The following MACF1 variants were observed in gnomAD, a reference collection of about 807,000 sequenced individuals.
MACF1 encodes the protein microtubule actin crosslinking factor 1.
Under a neutral mutation model 854.8 loss-of-function variants are expected in MACF1, and 193 were observed. The ratio of observed to expected loss-of-function variants is 0.23; its 90% CI spans 0.20 to 0.25. The LOEUF is 0.25. MACF1 is among the 10% of genes least tolerant of loss of function. The pLI is 1.00. For synonymous variants in MACF1, 3,185 were observed against 3,226.7 expected, an observed-to-expected ratio of 0.99 and a Z score of 0.44; for missense variants, 7,722 against 8,929.1, an observed-to-expected ratio of 0.86 and a Z score of 5.45.
At chr1:39,478,312 G>T (rs904674697) in intron 97 of MACF1, among the ~76,000 whole-genome samples, 2 of 152,040 alleles carry the variant, frequency 1.3e-5, no homozygotes, top group African/African-American at 2.4e-5. Context: ...CAAGGGTCAT[G>T]TATTGTTGAG....
intron 2 of MACF1, among the ~76,000 whole-genome samples, chr1:39,088,851 T>C (rs1298390063): frequency 6.6e-6 from 1 of 152,196 alleles, no homozygotes; most frequent in Non-Finnish European, 1.5e-5. Flanking sequence ...GACGTGTACA[T>C]TTATTATTAC....
intron 58 of MACF1, among the ~76,000 whole-genome samples, chr1:39,406,123 G>C (rs1642689135): frequency 6.6e-6 from 1 of 152,156 alleles, no homozygotes; most frequent in Admixed American, 6.5e-5. Context: ...TTGGCTTTGG[G>C]TTCTGGGGTT....
At chr1:39,443,883 G>A (rs72661980) in intron 79 of MACF1, among the ~76,000 whole-genome samples, 9,894 of 152,142 alleles carry the variant, frequency 0.065, 443 homozygotes, top group Non-Finnish European at 0.099. Flanking sequence ...CACTTAAGAA[G>A]GAAACTACTT....
At chr1:39,481,603 C>T (rs777287781) in intron 99 of MACF1, among the ~76,000 whole-genome samples, 1 of 152,230 alleles carries the variant, frequency 6.6e-6, no homozygotes, top group Non-Finnish European at 1.5e-5. Flanking sequence ...TTGGCCTAGG[C>T]ACTTGAGTTT....
chr1:39,319,871 C>T, intron 31 of MACF1, 124 bp downstream of exon 31: 1 of 650,588 alleles, frequency 1.5e-6, no homozygotes, highest in South Asian at 2.1e-5. Context: ...CTGGCCTGAT[C>T]CTTCAGTTAA....
Position 39,442,141 on chromosome 1 carries a change from T to C in MACF1, c.18775-6T>C. ...TTGATGTTAACATTGAGTGTGTCTT[T>C]GACAGGAGTTCAAAGTAGAAGTTTA... On this transcript the variant is annotated splice_region_variant and splice_polypyrimidine_tract_variant and intron_variant, in intron 75 of 100. Transcript: ENST00000564288. 6 of 1,590,044 alleles carry C rather than the reference T, an allele frequency of 3.8e-6. No homozygotes were observed. The highest frequency in any genetic ancestry group is 5.1e-6 in the Non-Finnish European group (6 of 1,170,518).
chr1:39,149,701 A>G (rs1643535664), intron 2 of MACF1, among the ~76,000 whole-genome samples: 1 of 149,700 alleles, frequency 6.7e-6, no homozygotes, highest in South Asian at 2.2e-4. Flanking sequence ...CAGAGCTGCA[A>G]TAAGAAGAGA....
chr1:39,283,114 G>A lies in MACF1; in HGVS notation c.696-75G>A. The A allele has an allele frequency of 3.3e-6, 3 of 904,402 alleles. No homozygotes were observed. The South Asian group carries it at 4.4e-5, about 13-fold the overall frequency. The allele number at this position is 904,402 out of a possible 1,614,324, so 56.0% of individuals were successfully genotyped here. On this transcript the variant is annotated intron_variant, in intron 7 of 100. Transcript: ENST00000564288. This position sits in a 1 kb window ranked among gnomAD's most constrained non-coding sequence, Gnocchi z 4.5. ...TGTTTTTCAGCTCTGGGAACTTTCA[G>A]GAGGTTTTCTTTGTGTAAACTCATG... is the stretch of plus-strand genomic sequence containing the variant.
rs189458156 is a variant in MACF1, at chr1:39,351,095, G to A, written c.11199+77G>A. On this transcript the variant is annotated intron_variant, in intron 43 of 100. Coordinates refer to ENST00000564288, the MANE Select transcript of MACF1 (RefSeq NM_001394062.1). ...CCAACACAAATAAAAGACAGTGAGG[G>A]GAAAACAGGCTTATAGCATGCACAG... 1.7e-5 allele frequency: 17 copies of A among 1,013,490 alleles called. No homozygotes were observed. In the African/African-American group the frequency reaches 1.9e-4, roughly 12 times the overall value. The allele number at this position is 1,013,490 out of a possible 1,614,324, so 62.8% of individuals were successfully genotyped here. A position where few individuals can be genotyped will look rare whatever the true frequency, so the allele number is the denominator to read the frequency against.
At chr1:39,245,249 A>C (rs1448119924) in intron 2 of MACF1, among the ~76,000 whole-genome samples, 4 of 152,178 alleles carry the variant, frequency 2.6e-5, no homozygotes, top group African/African-American at 9.7e-5. Flanking sequence ...TCTGTTGATA[A>C]GATGACCTCA....
rs546125474 is a variant in MACF1 at position 39,429,761 on chromosome 1, A to G, written c.16889-66A>G. 2.3e-5 allele frequency: 33 copies of G among 1,463,146 alleles called. No individual in the cohort carries two copies. The African/African-American group carries it at 3.8e-4, about 17-fold the overall frequency. The allele number at this position is 1,463,146 out of a possible 1,614,324, so 90.6% of individuals were successfully genotyped here. A position where few individuals can be genotyped will look rare whatever the true frequency, so the allele number is the denominator to read the frequency against. On this transcript the variant is annotated intron_variant, in intron 64 of 100. Coordinates refer to ENST00000564288, the MANE Select transcript of MACF1 (RefSeq NM_001394062.1). ...GAAATTAAAGCTCTGATTTGAAGAA[A>G]GGGGATCAGAGACTCCTCATTCCTA...
At chr1:39,441,870 T>G in intron 74 of MACF1, 82 bp from the exon 75 acceptor site, 1 of 1,022,072 alleles carries the variant, frequency 9.8e-7, no homozygotes, top group Non-Finnish European at 1.5e-6. Flanking sequence ...GATTTATGTC[T>G]TCTTATGTTA....
At chr1:39,298,483 A>G (rs546491324) in intron 21 of MACF1, among the ~76,000 whole-genome samples, 3 of 152,334 alleles carry the variant, frequency 2.0e-5, no homozygotes, top group East Asian at 3.9e-4. Context: ...TTAAAATAGA[A>G]ATGTATATGC....
intron 2 of MACF1, among the ~76,000 whole-genome samples, chr1:39,101,428 C>G (rs1224568651): frequency 6.6e-6 from 1 of 150,746 alleles, no homozygotes; most frequent in Non-Finnish European, 1.5e-5. Flanking sequence ...CGAATTTTGC[C>G]ATGTTGCCCA....
chr1:39,406,439 C>T (rs1046574113), intron 58 of MACF1, among the ~76,000 whole-genome samples: 3 of 152,142 alleles, frequency 2.0e-5, no homozygotes, highest in African/African-American at 7.2e-5. Context: ...TGTGATTCCA[C>T]ATCAAGATAA....
Position 39,331,831 on chromosome 1 carries a change from T to TGA in MACF1, c.5243_5244insGA (p.Ile1748MetfsTer10). The TGA allele has an allele frequency of 6.2e-7, 1 of 1,614,072 alleles. No homozygotes were observed. Among genetic ancestry groups the TGA allele is most frequent in the Admixed American group, 1.7e-5 (1 of 59,990 alleles). The stretch of plus-strand genomic sequence containing the variant: ...TTGAAATCAGGCCGGAAGGTTAGCA[T>TGA]TTTCCGTGCAGTTCAGGAAGGGCTA... On this transcript the variant is annotated frameshift_variant, in exon 37 of 101. Coordinates refer to ENST00000564288, the MANE Select transcript of MACF1 (RefSeq NM_001394062.1). LOFTEE classifies it high-confidence loss of function.
At position 39,332,564 on chromosome 1, in the gene MACF1, A is replaced by G. The variant is rs2148470407; in HGVS notation, c.5976A>G (p.Leu1992=). ...TAGATAAAGAGCTGATGGAGACACT[A>G]ACATCCAGAGATGAGTATCAAACAA... ...LLLDKELMET[L]TSRDEYQTSP... is the part of the protein sequence containing the mutation. Residue 1992 remains leucine, a synonymous_variant, in exon 37 of 101, where the codon CTA becomes CTG. Coordinates refer to ENST00000564288, the MANE Select transcript of MACF1 (RefSeq NM_001394062.1). 6.2e-7 allele frequency: 1 copy of G among 1,614,144 alleles called. No individual in the cohort carries two copies. Among genetic ancestry groups the G allele is most frequent in the South Asian group, 1.1e-5 (1 of 91,086 alleles).
At chr1:39,433,735 CA>C (rs1294243220) in intron 68 of MACF1, among the ~76,000 whole-genome samples, 1 of 152,032 alleles carries the variant, frequency 6.6e-6, no homozygotes, top group Non-Finnish European at 1.5e-5. Flanking sequence ...ACTTGATAGG[CA>C]AAGATTCCAT....
chr1:39,322,726 G>T lies in MACF1; in HGVS notation c.4137+11G>T. On this transcript the variant is annotated intron_variant, in intron 32 of 100. Coordinates refer to ENST00000564288, the MANE Select transcript of MACF1 (RefSeq NM_001394062.1). ...GCCATCACTCAAGAGGTGAGAGGGT[G>T]GGGGAAGGAAATACACCACTGTCTT... 2 of 1,612,822 alleles carry T rather than the reference G, an allele frequency of 1.2e-6. No homozygotes were observed. The highest frequency in any genetic ancestry group is 1.7e-6 in the Non-Finnish European group (2 of 1,178,874).
Sources: gnomAD v4.1 joint callset for allele counts (sites outside exome capture counted in the v4.1 genomes callset) on GRCh38, gnomAD v4.1.1 for gene constraint, Gnocchi (gnomAD v3.1) non-coding constraint, MANE v1.5 for transcripts, NCBI Gene and HGNC (gene_info 2026-07-23, HGNC 2026-07-21) for gene names.